Variants in DNAH5 observed in about 807,000 individuals in gnomAD.
DNAH5 encodes the protein axonemal beta dynein heavy chain 5.
DNAH5 carries 372 observed loss-of-function variants against 518.2 expected under a neutral mutation model. That is an observed-to-expected ratio of 0.72 (90% confidence interval 0.66 to 0.78). DNAH5 has a LOEUF of 0.78. Ranked by LOEUF, DNAH5 falls within the 30% of genes least tolerant of loss-of-function variation. The pLI, the probability that DNAH5 is intolerant of heterozygous loss-of-function variation, is 0.00. For missense variants in DNAH5, 5,523 were observed against 5,687.0 expected, an observed-to-expected ratio of 0.97 and a Z score of 0.93; for synonymous variants, 2,039 against 2,025.9, an observed-to-expected ratio of 1.01 and a Z score of -0.17.
chr5:13,799,937 T>G (rs1490867968), intron 47 of DNAH5, among the ~76,000 whole-genome samples: 1 of 152,192 alleles, frequency 6.6e-6, no homozygotes, highest in African/African-American at 2.4e-5. Context: ...TATTTTAAAA[T>G]ATTTAAAATT....
chr5:13,888,461 GA>G (rs1225788986), intron 17 of DNAH5, among the ~76,000 whole-genome samples: 2 of 152,274 alleles, frequency 1.3e-5, no homozygotes, highest in African/African-American at 4.8e-5. Flanking sequence ...CAGTGACCAT[GA>G]ACATAAAATC....
intron 27 of DNAH5, among the ~76,000 whole-genome samples, chr5:13,865,253 A>C (rs1769071074): frequency 1.3e-5 from 2 of 152,130 alleles, no homozygotes; most frequent in Admixed American, 6.6e-5. Context: ...TCAGCCTCCC[A>C]AAGTGCTGGG....
At chr5:13,856,035 G>C (rs1767584750) in intron 30 of DNAH5, among the ~76,000 whole-genome samples, 1 of 152,174 alleles carries the variant, frequency 6.6e-6, no homozygotes, top group Admixed American at 6.5e-5. Context: ...CTGCCCACAG[G>C]AGAAAGTGGA....
intron 37 of DNAH5, 57 bp from the exon 38 acceptor site, chr5:13,829,761 A>G: frequency 2.0e-6 from 3 of 1,502,938 alleles, no homozygotes; most frequent in Non-Finnish European, 2.8e-6. Context: ...CATCAGCATC[A>G]TATTAAAAGA....
intron 5 of DNAH5, 81 bp from the exon 6 acceptor site, chr5:13,920,698 T>C (rs1777158356): frequency 5.2e-6 from 8 of 1,543,814 alleles, no homozygotes; most frequent in Non-Finnish European, 6.3e-6. Context: ...TCCACTTTGC[T>C]GCACTCTGAC....
At chr5:13,990,832 A>T (rs1169097134) in intron 1 of DNAH5, among the ~76,000 whole-genome samples, 1 of 152,216 alleles carries the variant, frequency 6.6e-6, no homozygotes, top group Admixed American at 6.5e-5. Context: ...GCACCATTGC[A>T]CTCCAGCCTG....
rs1390111024 is a variant in DNAH5, at chr5:13,917,219, G to C, written c.1013C>G (p.Thr338Ser). 1.2e-6 allele frequency: 2 copies of C among 1,613,952 alleles called. No individual in the cohort carries two copies. Among genetic ancestry groups the C allele is most frequent in the Non-Finnish European group, 1.7e-6 (2 of 1,179,960 alleles). Reference sequence around the variant, plus strand: ...TTTCACATTGTCCTTTGCTTCATTAGTTGCATCAGTGATTCGAATATCCAT... The same window carrying C: ...TTTCACATTGTCCTTTGCTTCATTACTTGCATCAGTGATTCGAATATCCAT... The part of the protein sequence containing the change: ...REMDIRITDA[T>S]NEAKDNVKYL... Residue 338 changes from threonine to serine, a missense_variant, in exon 8 of 79, where the codon ACT (threonine) becomes AGT (serine). Physicochemically the swap from Thr to Ser is moderately conservative, Grantham distance 58. Transcript: ENST00000265104.
intron 17 of DNAH5, among the ~76,000 whole-genome samples, chr5:13,888,293 C>G (rs1772707404): frequency 1.3e-5 from 2 of 152,310 alleles, no homozygotes; most frequent in African/African-American, 2.4e-5. Flanking sequence ...TATGAACACC[C>G]AATGTACTTC....
rs751936457 is a variant in DNAH5, at chr5:13,814,667, C to T, written c.7168G>A (p.Val2390Ile). The change falls in exon 43 of 79, where the codon GTC (valine) becomes ATC (isoleucine). Residue 2390 changes from valine (V) to isoleucine (I), a missense_variant. Val to Ile is a conservative substitution (Grantham distance 29). Coordinates refer to ENST00000265104, the MANE Select transcript of DNAH5 (RefSeq NM_001369.3). ...ATGAAAACCATTCCATTTCTTGAGA[C>T]GGTGGCAGGAGAAGCATTGTCAATG... is the stretch of plus-strand genomic sequence containing the variant. The part of the protein sequence containing the change: ...HNIDNASPAT[V>I]SRNGMVFMSS... 1.4e-5 allele frequency: 23 copies of T among 1,613,966 alleles called. No homozygotes were observed. The highest frequency in any genetic ancestry group is 4.4e-5 in the South Asian group (4 of 91,070).
upstream of DNAH5, among the ~76,000 whole-genome samples, chr5:13,947,935 A>G (rs767273223): frequency 1.3e-5 from 2 of 152,190 alleles, no homozygotes; most frequent in African/African-American, 4.8e-5. Context: ...GCAACATGAT[A>G]TTTCATCTTA....
intron 22 of DNAH5, among the ~76,000 whole-genome samples, chr5:13,873,514 A>G (rs1309128298): frequency 1.3e-5 from 2 of 152,104 alleles, no homozygotes; most frequent in African/African-American, 4.8e-5. Context: ...TCTATGAAAA[A>G]TTCATATAAT....
At chr5:13,886,261 G>T in intron 17 of DNAH5, 132 bp from the exon 18 acceptor site, 1 of 895,232 alleles carries the variant, frequency 1.1e-6, no homozygotes, top group Non-Finnish European at 1.7e-6. Flanking sequence ...GTGATGCTTG[G>T]CCACATCCTT....
intron 60 of DNAH5, among the ~76,000 whole-genome samples, chr5:13,762,473 A>C (rs576419363): frequency 6.6e-6 from 1 of 152,296 alleles, no homozygotes; most frequent in South Asian, 2.1e-4. Flanking sequence ...AGCAGCCCAC[A>C]ATGGACCTGT....
intron 21 of DNAH5, among the ~76,000 whole-genome samples, chr5:13,877,529 C>A (rs1771062585): frequency 6.6e-6 from 1 of 152,154 alleles, no homozygotes; most frequent in Non-Finnish European, 1.5e-5. Context: ...ATGGACACAC[C>A]CAATACACAT....
chr5:13,869,618 T>A (rs759327507), intron 24 of DNAH5, among the ~76,000 whole-genome samples: 1 of 152,056 alleles, frequency 6.6e-6, no homozygotes, highest in Non-Finnish European at 1.5e-5. Flanking sequence ...TATTACAAGA[T>A]GAATAAAAAT....
chr5:13,971,426 C>T (rs1460356726), intron 1 of DNAH5, among the ~76,000 whole-genome samples: 1 of 152,172 alleles, frequency 6.6e-6, no homozygotes, highest in Non-Finnish European at 1.5e-5. Context: ...AGATCTGGGG[C>T]TCAAGGGCTG....
At position 13,859,470 on chromosome 5, in the gene DNAH5, A is replaced by AG; in HGVS notation, c.4931_4932insC (p.Ala1645CysfsTer13). ...ACAAAACCTTGGGCAGCTGCTTGGC[A>AG]ATGTCTCCTCCCACAAAGACAGCTT... On this transcript the variant is annotated frameshift_variant, in exon 30 of 79. Transcript: ENST00000265104. LOFTEE classifies it high-confidence loss of function. The AG allele has an allele frequency of 2.5e-6, 4 of 1,614,056 alleles. No individual in the cohort carries two copies. The highest frequency in any genetic ancestry group is 3.4e-6 in the Non-Finnish European group (4 of 1,179,948).
At chr5:13,919,429 A>G (rs931082216) in intron 6 of DNAH5, 77 bp from the exon 7 acceptor site, 1 of 1,544,976 alleles carries the variant, frequency 6.5e-7, no homozygotes, top group Non-Finnish European at 8.8e-7. Context: ...CAAAAAACAA[A>G]TAAGGAAATC....
chr5:13,762,373 T>C (rs991478818), intron 60 of DNAH5, among the ~76,000 whole-genome samples: 5 of 152,154 alleles, frequency 3.3e-5, no homozygotes, highest in Admixed American at 6.5e-5. Context: ...ATCTGAAATA[T>C]CAGCAGAGGA....
Sources: gnomAD v4.1 joint callset for allele counts (sites outside exome capture counted in the v4.1 genomes callset) on GRCh38, gnomAD v4.1.1 for gene constraint, MANE v1.5 for transcripts, NCBI Gene and HGNC (gene_info 2026-07-23, HGNC 2026-07-21) for gene names.